The following NSD3 variants were observed in gnomAD, a reference collection of about 807,000 sequenced individuals.
The protein encoded by NSD3 is histone-lysine N-methyltransferase NSD3.
NSD3 carries 24 observed loss-of-function variants against 160.8 expected under a neutral mutation model. The ratio of observed to expected loss-of-function variants is 0.15; its 90% CI spans 0.11 to 0.21. The LOEUF (loss-of-function observed/expected upper bound fraction) is 0.21, where lower values mean the gene tolerates loss of function less well. NSD3 is among the 10% of genes least tolerant of loss of function. The probability of loss-of-function intolerance (pLI) is 1.00; values close to 1 mark genes in which losing one functional copy is unlikely to be tolerated. For synonymous variants in NSD3, 520 were observed against 600.0 expected, an observed-to-expected ratio of 0.87 and a Z score of 1.95; for missense variants, 1,157 against 1,735.9, an observed-to-expected ratio of 0.67 and a Z score of 5.93.
rs560214975 is a variant in NSD3 at position 38,275,779 on chromosome 8, C to A, written c.4176G>T (p.Gly1392=). ...PHSFCKDHEK[G]ALVPSALEGR... Reference sequence around the variant, plus strand: ...CTTCCAGTGCAGAGGGAACCAGGGCCCCCTTTTCATGATCTTTACAAAATG... The same window carrying A: ...CTTCCAGTGCAGAGGGAACCAGGGCACCCTTTTCATGATCTTTACAAAATG... The change falls in exon 24 of 24, where the codon GGG becomes GGT. Residue 1392 remains glycine, a synonymous_variant. Coordinates refer to ENST00000317025, the MANE Select transcript of NSD3 (RefSeq NM_023034.2). The A allele has an allele frequency of 2.6e-5, 42 of 1,614,110 alleles. No individual in the cohort carries two copies. The South Asian group carries it at 4.6e-4, about 18-fold the overall frequency.
At chr8:38,277,551 A>G (rs146550849) in intron 22 of NSD3, among the ~76,000 whole-genome samples, 15 of 152,354 alleles carry the variant, frequency 9.8e-5, no homozygotes, top group African/African-American at 3.4e-4. Context: ...TGCTGGGATT[A>G]CAGGCGTGAG....
intron 1 of NSD3, among the ~76,000 whole-genome samples, chr8:38,377,323 G>A (rs1286204446): frequency 6.6e-6 from 1 of 152,036 alleles, no homozygotes; most frequent in Non-Finnish European, 1.5e-5. Context: ...CAAAGTGCGG[G>A]AATTACAGAC....
At chr8:38,363,400 T>C (rs1243597319) in intron 1 of NSD3, among the ~76,000 whole-genome samples, 2 of 151,878 alleles carry the variant, frequency 1.3e-5, no homozygotes, top group African/African-American at 2.4e-5. Context: ...TCCCAGCACT[T>C]TGGGAGGCAG....
intron 2 of NSD3, among the ~76,000 whole-genome samples, chr8:38,345,373 GGA>G (rs1458026651): frequency 6.7e-6 from 1 of 149,516 alleles, no homozygotes; most frequent in Non-Finnish European, 1.5e-5. Flanking sequence ...AAGGAGACAG[GGA>G]GAGAGGGAGA....
At position 38,296,674 on chromosome 8, in the gene NSD3, CTGTGTGTGTG is replaced by C. The variant is rs57485296; in HGVS notation, c.2759-732_2759-723del. 7.5e-3 allele frequency among the ~76,000 whole-genome samples: 1,064 copies of C among 142,232 alleles called. 9 individuals are homozygous for C. The highest frequency in any genetic ancestry group is 9.5e-3 in the Non-Finnish European group (626 of 65,798). 93.3% of individuals were successfully genotyped at this position (142,232 alleles called of 152,430 possible). On this transcript the variant is annotated intron_variant, in intron 15 of 23. Coordinates refer to ENST00000317025, the MANE Select transcript of NSD3 (RefSeq NM_023034.2). ...CCTCTCTTTCTCTCTCTCTCTCCCTCTGTGTGTGTGTGTGTGTGTGTGTGTGTGTGTGTGT... is the reference window on the plus strand; with the variant it reads ...CCTCTCTTTCTCTCTCTCTCTCCCTCTGTGTGTGTGTGTGTGTGTGTGTGT...
Position 38,316,943 on chromosome 8 carries a change from C to T in NSD3, c.1856-901G>A, listed in dbSNP as rs527300552. ...CACGATGAAATGTGCAGATCAGGCA[C>T]GGTGAATACCAAGGAACCAAGGAGA... On this transcript the variant is annotated intron_variant, in intron 9 of 23. Coordinates refer to ENST00000317025, the MANE Select transcript of NSD3 (RefSeq NM_023034.2). The surrounding 1 kb of genome is among the most constrained non-coding windows in gnomAD (Gnocchi z 4.5). The T allele has an allele frequency of 1.4e-5, 15 of 1,061,260 alleles. No individual in the cohort carries two copies. The highest frequency in any genetic ancestry group is 5.1e-5 in the East Asian group (1 of 19,506). 65.7% of individuals were successfully genotyped at this position (1,061,260 alleles called of 1,614,324 possible).
intron 1 of NSD3, chr8:38,381,445 T>G (rs1342923604): frequency 2.0e-5 from 3 of 151,626 alleles, no homozygotes; most frequent in Non-Finnish European, 4.4e-5. Context: ...CATGCAACTC[T>G]TCTCCCCTTT....
chr8:38,280,480 T>A (rs903008922), intron 20 of NSD3, among the ~76,000 whole-genome samples: 1 of 152,226 alleles, frequency 6.6e-6, no homozygotes, highest in African/African-American at 2.4e-5. Flanking sequence ...CTCCATTTCT[T>A]ACTTTAATGA....
At position 38,338,659 on chromosome 8, in the gene NSD3, C is replaced by A. The variant is rs1475102090; in HGVS notation, c.676-52G>T. The A allele has an allele frequency of 8.5e-6, 12 of 1,416,240 alleles. No homozygotes were observed. The Admixed American group carries it at 1.1e-4, about 13-fold the overall frequency. The allele number at this position is 1,416,240 out of a possible 1,614,324, so 87.7% of individuals were successfully genotyped here. A position where few individuals can be genotyped will look rare whatever the true frequency, so the allele number is the denominator to read the frequency against. ...AATAAAATGGCATTAAATAAACAAA[C>A]AAACAAAAAACAGTGACATACATAA... is the stretch of plus-strand genomic sequence containing the variant. On this transcript the variant is annotated intron_variant, in intron 2 of 23. Coordinates refer to ENST00000317025, the MANE Select transcript of NSD3 (RefSeq NM_023034.2).
Position 38,329,586 on chromosome 8 carries a change from G to A in NSD3, c.1373C>T (p.Ala458Val), listed in dbSNP as rs758646155. 76 of 1,614,050 alleles carry A rather than the reference G, an allele frequency of 4.7e-5. No homozygotes were observed. The African/African-American group carries it at 5.1e-4, about 11-fold the overall frequency. ...RRHSQRRHTS[A>V]EEEEPPPVKI... ...AACAGGCGGTGGCTCTTCCTCTTCCGCACTTGTGTGCCGCCTCTGGCTATG... is the reference window on the plus strand; with the variant it reads ...AACAGGCGGTGGCTCTTCCTCTTCCACACTTGTGTGCCGCCTCTGGCTATG... Residue 458 changes from alanine to valine, a missense_variant, in exon 6 of 24, where the codon GCG becomes GTG. Physicochemically the swap from Ala to Val is moderately conservative, Grantham distance 64. Around this residue, in one of 10 missense-constraint regions of NSD3, gnomAD observed 168 missense variants for 208.1 expected, o/e 0.81. Coordinates refer to ENST00000317025, the MANE Select transcript of NSD3 (RefSeq NM_023034.2). The surrounding 1 kb of genome is among the most constrained non-coding windows in gnomAD (Gnocchi z 4.8).
intron 1 of NSD3, among the ~76,000 whole-genome samples, chr8:38,375,850 A>T (rs1811374397): frequency 6.6e-6 from 1 of 152,070 alleles, no homozygotes. Context: ...TGCATTGAAA[A>T]ACAGATTTTA....
At chr8:38,304,138 T>A (rs1008110284) in intron 14 of NSD3, among the ~76,000 whole-genome samples, 5 of 152,200 alleles carry the variant, frequency 3.3e-5, no homozygotes, top group African/African-American at 1.2e-4. Context: ...CAAAACATTA[T>A]GATAAAATAC....
intron 4 of NSD3, among the ~76,000 whole-genome samples, chr8:38,332,931 G>A (rs998638508): frequency 6.6e-6 from 1 of 152,066 alleles, no homozygotes; most frequent in Admixed American, 6.6e-5. Context: ...TAATTAGGAA[G>A]AAAAAGGCAA....
intron 2 of NSD3, among the ~76,000 whole-genome samples, chr8:38,342,687 C>T (rs1273375897): frequency 6.6e-6 from 1 of 151,856 alleles, no homozygotes; most frequent in Non-Finnish European, 1.5e-5. Flanking sequence ...CCTGCCTCAG[C>T]CTCCCAAGTA....
At chr8:38,337,013 G>A (rs1810233588) in intron 4 of NSD3, among the ~76,000 whole-genome samples, 1 of 151,678 alleles carries the variant, frequency 6.6e-6, no homozygotes, top group Non-Finnish European at 1.5e-5. Flanking sequence ...ATTGTGGCGG[G>A]TGCCTGTAAT....
intron 12 of NSD3, among the ~76,000 whole-genome samples, chr8:38,308,889 T>A (rs74302889): frequency 6.6e-6 from 1 of 152,116 alleles, no homozygotes; most frequent in South Asian, 2.1e-4. Context: ...TAGTGAAAAC[T>A]AGTGCAAATG....
intron 1 of NSD3, among the ~76,000 whole-genome samples, chr8:38,349,916 A>G (rs2150384937): frequency 6.7e-6 from 1 of 150,102 alleles, no homozygotes; most frequent in Admixed American, 6.7e-5. Context: ...ATTCCCACCT[A>G]TGAGTGAGAA....
At chr8:38,341,709 T>C (rs1443273466) in intron 2 of NSD3, among the ~76,000 whole-genome samples, 2 of 152,098 alleles carry the variant, frequency 1.3e-5, no homozygotes, top group Non-Finnish European at 2.9e-5. Flanking sequence ...CCCAGGACTT[T>C]GAGAGGCTGG....
chr8:38,374,876 C>T (rs1183261667), intron 1 of NSD3, among the ~76,000 whole-genome samples: 2 of 151,736 alleles, frequency 1.3e-5, no homozygotes, highest in African/African-American at 2.4e-5. Context: ...TGCTGGGGGG[C>T]GCCTGTAGTC....
Sources: gnomAD v4.1 joint callset for allele counts (sites outside exome capture counted in the v4.1 genomes callset) on GRCh38, gnomAD v4.1.1 for gene constraint, gnomAD v4.1.1 regional missense constraint, Gnocchi (gnomAD v3.1) non-coding constraint, MANE v1.5 for transcripts, NCBI Gene and HGNC (gene_info 2026-07-23, HGNC 2026-07-21) for gene names.